The following EYS variants were observed in gnomAD, a reference collection of about 807,000 sequenced individuals.
EYS encodes the protein EGF-like photoreceptor maintenance factor, also known as protein eyes shut homolog.
A neutral mutation model predicts 282.1 loss-of-function variants in EYS; 250 were observed. The ratio of observed to expected loss-of-function variants is 0.89; its 90% CI spans 0.80 to 0.98. EYS has a LOEUF of 0.98. EYS is among the 50% of genes least tolerant of loss of function. The probability of loss-of-function intolerance (pLI) is 0.00; values close to 1 mark genes in which losing one functional copy is unlikely to be tolerated. For synonymous variants in EYS, 1,355 were observed against 1,282.9 expected, an observed-to-expected ratio of 1.06 and a Z score of -1.20; for missense variants, 4,016 against 3,709.0, an observed-to-expected ratio of 1.08 and a Z score of -2.15.
At chr6:65,627,425 C>T (rs531577336) in intron 2 of EYS, among the ~76,000 whole-genome samples, 15 of 152,250 alleles carry the variant, frequency 9.9e-5, no homozygotes, top group African/African-American at 2.9e-4. Context: ...CCCACTTTGG[C>T]GACACTTGAG....
At chr6:64,116,192 A>G (rs1415692508) in intron 31 of EYS, among the ~76,000 whole-genome samples, 1 of 152,134 alleles carries the variant, frequency 6.6e-6, no homozygotes, top group Non-Finnish European at 1.5e-5. Flanking sequence ...GGACCTGAAG[A>G]CAGGTCATTT....
intron 11 of EYS, chr6:65,331,953 T>C (rs1769811693): frequency 6.3e-6 from 1 of 159,062 alleles, no homozygotes; most frequent in African/African-American, 2.4e-5. Context: ...CGAACAAAAC[T>C]GTAAACATTC....
intron 34 of EYS, 103 bp downstream of exon 34, chr6:63,998,972 T>C (rs1767958599): frequency 4.3e-6 from 3 of 697,910 alleles, no homozygotes; most frequent in South Asian, 1.8e-5. Flanking sequence ...ACAAGGAATC[T>C]GTTCAATTAA....
chr6:64,736,285 C>T (rs1772179384), intron 22 of EYS, among the ~76,000 whole-genome samples: 1 of 151,922 alleles, frequency 6.6e-6, no homozygotes, highest in South Asian at 2.1e-4. Flanking sequence ...AAATACATTA[C>T]ATATAAATAG....
chr6:64,682,780 T>C (rs1769945213), intron 22 of EYS, among the ~76,000 whole-genome samples: 1 of 152,180 alleles, frequency 6.6e-6, no homozygotes, highest in Non-Finnish European at 1.5e-5. Flanking sequence ...CGTACCTTCC[T>C]TTTTTTCCTG....
chr6:63,783,889 T>G (rs1014001627), intron 39 of EYS, among the ~76,000 whole-genome samples: 7 of 152,222 alleles, frequency 4.6e-5, no homozygotes. Flanking sequence ...TGTGTGTGTG[T>G]GTGTGTTAGG....
At chr6:64,946,365 A>G (rs919972719) in intron 14 of EYS, among the ~76,000 whole-genome samples, 4 of 152,052 alleles carry the variant, frequency 2.6e-5, no homozygotes, top group Non-Finnish European at 4.4e-5. Context: ...TTTAAAATAA[A>G]TTAACAGACT....
At chr6:64,047,319 T>C (rs1369781744) in intron 33 of EYS, among the ~76,000 whole-genome samples, 1 of 152,044 alleles carries the variant, frequency 6.6e-6, no homozygotes, top group South Asian at 2.1e-4. Context: ...GAGAAACAAA[T>C]GGGACCATCA....
intron 22 of EYS, among the ~76,000 whole-genome samples, chr6:64,641,391 A>G (rs1262264256): frequency 6.6e-6 from 1 of 152,212 alleles, no homozygotes; most frequent in East Asian, 1.9e-4. Flanking sequence ...GGAAATCAAG[A>G]TGAGATTTGG....
Position 65,384,629 on chromosome 6 carries a change from ATACCTGTGATCTTAGCC to A in EYS, c.1185-146_1185-130del. 4 of 610,572 alleles carry A rather than the reference ATACCTGTGATCTTAGCC, an allele frequency of 6.6e-6. No homozygotes were observed. In the South Asian group the frequency reaches 7.9e-5, roughly 12 times the overall value. 37.8% of individuals were successfully genotyped at this position (610,572 alleles called of 1,614,324 possible). On this transcript the variant is annotated intron_variant, in intron 7 of 42. Coordinates refer to ENST00000503581, the MANE Select transcript of EYS (RefSeq NM_001142800.2). ...GGTATTATTAATCATTTTTTAATAC[ATACCTGTGATCTTAGCC>A]AAAAAGCTCCTATTTATGTATTTGG...
At chr6:65,519,708 ATTTTTTTTTTTTT>A (rs59743261) in intron 2 of EYS, among the ~76,000 whole-genome samples, 1 of 42,564 alleles carries the variant, frequency 2.3e-5, no homozygotes, top group Non-Finnish European at 3.7e-5. Context: ...ATATATATAT[ATTTTTTTTTTTTT>A]TTTTTTTTTT....
At chr6:64,219,692 C>T (rs1410819124) in intron 31 of EYS, among the ~76,000 whole-genome samples, 1 of 152,156 alleles carries the variant, frequency 6.6e-6, no homozygotes, top group Non-Finnish European at 1.5e-5. Flanking sequence ...CTCTCCAGCA[C>T]CTGTTGTTTC....
chr6:64,822,006 T>C (rs901305038), intron 20 of EYS, among the ~76,000 whole-genome samples: 3 of 152,014 alleles, frequency 2.0e-5, no homozygotes, highest in African/African-American at 7.2e-5. Flanking sequence ...AAACTGAAGT[T>C]AGCTATGGCC....
At chr6:64,831,019 T>C (rs758150522) in intron 19 of EYS, among the ~76,000 whole-genome samples, 2 of 151,994 alleles carry the variant, frequency 1.3e-5, no homozygotes, top group African/African-American at 2.4e-5. Flanking sequence ...ACTTCATAGT[T>C]CCTGGAGGGA....
chr6:64,698,369 G>A (rs996049447), intron 22 of EYS, among the ~76,000 whole-genome samples: 1 of 151,842 alleles, frequency 6.6e-6, no homozygotes, highest in African/African-American at 2.4e-5. Context: ...AAATATAAGG[G>A]CTCAACAAAA....
At chr6:65,532,425 GAATT>G (rs2127309816) in intron 2 of EYS, among the ~76,000 whole-genome samples, 1 of 152,186 alleles carries the variant, frequency 6.6e-6, no homozygotes, top group East Asian at 1.9e-4. Context: ...ATGGGCTGGT[GAATT>G]AATTATGTCT....
intron 35 of EYS, among the ~76,000 whole-genome samples, chr6:63,974,603 C>A (rs1310173826): frequency 1.3e-5 from 2 of 151,862 alleles, no homozygotes; most frequent in African/African-American, 4.8e-5. Context: ...ACTTGTTTGA[C>A]CTTGCTGCAT....
chr6:63,859,675 A>G (rs533856191), intron 36 of EYS, among the ~76,000 whole-genome samples: 241 of 151,690 alleles, frequency 1.6e-3, no homozygotes, highest in African/African-American at 5.6e-3. Flanking sequence ...TTATTCTTGC[A>G]TAAGGAGAGG....
At chr6:64,562,948 C>T (rs1183713588) in intron 26 of EYS, among the ~76,000 whole-genome samples, 1 of 151,816 alleles carries the variant, frequency 6.6e-6, no homozygotes, top group Non-Finnish European at 1.5e-5. Context: ...GCATAACTGT[C>T]AATGGTAAAA....
Sources: allele counts gnomAD v4.1 joint callset (sites outside exome capture counted in the v4.1 genomes callset), GRCh38; gene constraint gnomAD v4.1.1; transcripts MANE v1.5; gene names NCBI Gene and HGNC (gene_info 2026-07-23, HGNC 2026-07-21).